The following MS4A5 variants were observed in gnomAD, a reference collection of about 807,000 sequenced individuals.
MS4A5 encodes the protein membrane spanning 4-domains A5, also known as membrane-spanning 4-domains subfamily A member 5.
Under a neutral mutation model 18.2 loss-of-function variants are expected in MS4A5, and 15 were observed. The ratio of observed to expected loss-of-function variants is 0.83; its 90% CI spans 0.55 to 1.27. The LOEUF (loss-of-function observed/expected upper bound fraction) is 1.27. Ranked by LOEUF, MS4A5 falls within the 50% of genes most tolerant of loss-of-function variation. The probability of loss-of-function intolerance (pLI) is 0.00; values close to 1 mark genes in which losing one functional copy is unlikely to be tolerated. For synonymous variants in MS4A5, 89 were observed against 78.7 expected (o/e 1.13, Z -0.69); for missense variants, 232 against 225.7 (o/e 1.03, Z -0.18).
chr11:60,430,581 A>G (rs2086043382), intron 1 of MS4A5, among the ~76,000 whole-genome samples: 1 of 152,100 alleles, frequency 6.6e-6, no homozygotes, highest in Non-Finnish European at 1.5e-5. Flanking sequence ...CCACATTTTC[A>G]GGAGCACTGA....
At chr11:60,446,825 C>A (rs956383006) in intron 4 of MS4A5, among the ~76,000 whole-genome samples, 3 of 151,598 alleles carry the variant, frequency 2.0e-5, no homozygotes, top group Admixed American at 6.6e-5. Context: ...TTTTACTAAG[C>A]CAATAGTTTT....
chr11:60,432,388 A>T, intron 2 of MS4A5, 23 bp from the exon 3 acceptor site: 1 of 1,504,488 alleles, frequency 6.6e-7, no homozygotes, highest in African/African-American at 1.4e-5. Context: ...GGTCATCATT[A>T]ACATATTTAT....
At position 60,436,753 on chromosome 11, in the gene MS4A5, C is replaced by T. The variant is rs549173253; in HGVS notation, c.492+2836C>T. Among the ~76,000 whole-genome samples, 19 of 134,986 alleles carry T rather than the reference C, an allele frequency of 1.4e-4. 2 individuals carry two copies. The East Asian group carries it at 4.0e-3, about 28-fold the overall frequency. 88.6% of individuals were successfully genotyped at this position (134,986 alleles called of 152,430 possible). Reference sequence around the variant, plus strand: ...AATAAAAAGAAATGAGCAAAGCCTCCAAGAAATATGGGACTATGTGAAAAG... The same window carrying T: ...AATAAAAAGAAATGAGCAAAGCCTCTAAGAAATATGGGACTATGTGAAAAG... On this transcript the variant is annotated intron_variant, in intron 4 of 4. Coordinates refer to ENST00000300190, the MANE Select transcript of MS4A5 (RefSeq NM_023945.3).
intron 2 of MS4A5, 29 bp from the exon 3 acceptor site, chr11:60,432,382 A>G (rs1414241444): frequency 6.8e-7 from 1 of 1,460,326 alleles, no homozygotes; most frequent in Non-Finnish European, 9.5e-7. Flanking sequence ...AAACATGGTC[A>G]TCATTAACAT....
At chr11:60,437,956 T>A (rs1036336470) in intron 4 of MS4A5, among the ~76,000 whole-genome samples, 2 of 152,126 alleles carry the variant, frequency 1.3e-5, no homozygotes, top group African/African-American at 2.4e-5. Flanking sequence ...CCACGCCAAA[T>A]CAACAGAATA....
chr11:60,443,410 T>TA (rs1013549686), intron 4 of MS4A5, among the ~76,000 whole-genome samples: 15 of 151,756 alleles, frequency 9.9e-5, no homozygotes, highest in African/African-American at 3.1e-4. Flanking sequence ...ACAACAGACA[T>TA]AAAAAAATTA....
At chr11:60,431,257 C>T (rs2086047128) in intron 2 of MS4A5, among the ~76,000 whole-genome samples, 1 of 152,168 alleles carries the variant, frequency 6.6e-6, no homozygotes, top group African/African-American at 2.4e-5. Flanking sequence ...AGCAAGAAAA[C>T]ATGTAAACAG....
At chr11:60,434,437 G>A (rs1166600000) in intron 4 of MS4A5, among the ~76,000 whole-genome samples, 8 of 152,112 alleles carry the variant, frequency 5.3e-5, no homozygotes, top group Non-Finnish European at 1.0e-4. Flanking sequence ...AATTGCTGAG[G>A]AAATTGAAAA....
At chr11:60,438,117 T>G (rs921007338) in intron 4 of MS4A5, among the ~76,000 whole-genome samples, 12 of 152,062 alleles carry the variant, frequency 7.9e-5, no homozygotes, top group East Asian at 3.9e-4. Flanking sequence ...GGATTAAGAA[T>G]CTCACTCAAA....
At position 60,429,847 on chromosome 11, in the gene MS4A5, A is replaced by G; in HGVS notation, c.153+20A>G. The G allele has an allele frequency of 3.1e-6, 5 of 1,607,404 alleles. No individual in the cohort carries two copies. Among genetic ancestry groups the G allele is most frequent in the Non-Finnish European group, 3.4e-6 (4 of 1,177,596 alleles). On this transcript the variant is annotated intron_variant, in intron 1 of 4. Transcript: ENST00000300190. ...TTAGGGGTAAGTAAGACTTGCCCCT[A>G]TGTATATTTTACTGAGGCAGGGGAA...
chr11:60,442,714 G>T (rs964182360), intron 4 of MS4A5, among the ~76,000 whole-genome samples: 1 of 152,274 alleles, frequency 6.6e-6, no homozygotes, highest in South Asian at 2.1e-4. Context: ...CTGTACAACA[G>T]ATCTCTTGAA....
chr11:60,445,692 T>G (rs138419951), intron 4 of MS4A5, among the ~76,000 whole-genome samples: 1 of 152,168 alleles, frequency 6.6e-6, no homozygotes, highest in South Asian at 2.1e-4. Context: ...AAGAAAAAAT[T>G]TTCTTTTTAA....
At chr11:60,441,397 G>GA (rs2086110943) in intron 4 of MS4A5, among the ~76,000 whole-genome samples, 1 of 98,692 alleles carries the variant, frequency 1.0e-5, no homozygotes, top group African/African-American at 3.6e-5. Context: ...CCTGCACAAT[G>GA]TGCACATGTA....
At position 60,447,742 on chromosome 11, in the gene MS4A5, T is replaced by C. The variant is rs774457218; in HGVS notation, c.586T>C (p.Cys196Arg). ...ILGCHSEDCDCEQCC is the reference protein window; with the variant it reads ...ILGCHSEDCDREQCC The stretch of plus-strand genomic sequence containing the variant: ...GGGGTGCCACTCAGAGGATTGTGAT[T>C]GTGAACAATGTTGTTGACTAGCACT... The change falls in exon 5 of 5, where the codon TGT becomes CGT. Residue 196 changes from cysteine (C) to arginine (R), a missense_variant. Transcript: ENST00000300190. 2 of 1,585,520 alleles carry C rather than the reference T, an allele frequency of 1.3e-6. No homozygotes were observed. Among genetic ancestry groups the C allele is most frequent in the Non-Finnish European group, 8.6e-7 (1 of 1,163,300 alleles).
At chr11:60,438,625 A>G (rs1023217006) in intron 4 of MS4A5, among the ~76,000 whole-genome samples, 1 of 152,180 alleles carries the variant, frequency 6.6e-6, no homozygotes, top group African/African-American at 2.4e-5. Context: ...ACAAACGACC[A>G]TCAGAGAATA....
intron 4 of MS4A5, among the ~76,000 whole-genome samples, chr11:60,440,051 C>T (rs948884592): frequency 1.4e-5 from 2 of 143,560 alleles, no homozygotes; most frequent in Admixed American, 7.1e-5. Context: ...GTCACCAAAA[C>T]AGCATGGTAC....
At chr11:60,440,533 A>T (rs1180527598) in intron 4 of MS4A5, among the ~76,000 whole-genome samples, 1 of 133,162 alleles carries the variant, frequency 7.5e-6, no homozygotes, top group African/African-American at 2.7e-5. Flanking sequence ...CTCATCTGAC[A>T]AAGGGCTAAT....
At chr11:60,444,950 T>G (rs2086131493) in intron 4 of MS4A5, among the ~76,000 whole-genome samples, 1 of 152,228 alleles carries the variant, frequency 6.6e-6, no homozygotes, top group Admixed American at 6.5e-5. Flanking sequence ...ATAGTTAAAC[T>G]GATAAGGAAC....
chr11:60,446,331 C>T (rs1379204554), intron 4 of MS4A5, among the ~76,000 whole-genome samples: 1 of 152,200 alleles, frequency 6.6e-6, no homozygotes, highest in African/African-American at 2.4e-5. Context: ...CAAACTTTAA[C>T]TGGTAAGTGC....
Sources: allele counts gnomAD v4.1 joint callset (sites outside exome capture counted in the v4.1 genomes callset), GRCh38; gene constraint gnomAD v4.1.1; transcripts MANE v1.5; gene names NCBI Gene and HGNC (gene_info 2026-07-23, HGNC 2026-07-21).